GPC6: variants seen among roughly 807,000 people sequenced by gnomAD.
GPC6 encodes the protein glypican-6.
GPC6 carries 14 observed loss-of-function variants against 55.2 expected under a neutral mutation model. The observed-to-expected ratio is 0.25, with a 90% CI of 0.17 to 0.40. GPC6 has a LOEUF of 0.40. GPC6 is among the 10% of genes least tolerant of loss of function. The probability of loss-of-function intolerance (pLI) is 1.00; values close to 1 mark genes in which losing one functional copy is unlikely to be tolerated. For missense variants in GPC6, 641 were observed against 708.5 expected (o/e 0.90, Z 1.08); for synonymous variants, 278 against 259.6 (o/e 1.07, Z -0.68).
intron 6 of GPC6, among the ~76,000 whole-genome samples, chr13:94,372,589 A>G (rs538574314): frequency 1.2e-3 from 181 of 152,274 alleles, no homozygotes; most frequent in African/African-American, 4.1e-3. Flanking sequence ...GCTGATTGCT[A>G]GCACAGCAGT....
At chr13:94,266,448 G>T (rs9524390) in intron 4 of GPC6, among the ~76,000 whole-genome samples, 1 of 151,916 alleles carries the variant, frequency 6.6e-6, no homozygotes, top group Non-Finnish European at 1.5e-5. Flanking sequence ...GATTACAGGC[G>T]TGAGCCACCG....
intron 7 of GPC6, among the ~76,000 whole-genome samples, chr13:94,384,590 T>C (rs1232418844): frequency 6.6e-6 from 1 of 152,192 alleles, no homozygotes; most frequent in Admixed American, 6.5e-5. Context: ...GGGAAGAGAC[T>C]AAACACTACC....
intron 2 of GPC6, among the ~76,000 whole-genome samples, chr13:93,783,049 T>C (rs1885705755): frequency 6.6e-6 from 1 of 152,144 alleles, no homozygotes; most frequent in Non-Finnish European, 1.5e-5. Context: ...TTAAGCTCCC[T>C]CTTATAAGTG....
intron 4 of GPC6, among the ~76,000 whole-genome samples, chr13:94,047,253 A>G (rs766769522): frequency 5.3e-5 from 8 of 152,098 alleles, no homozygotes; most frequent in Non-Finnish European, 1.0e-4. Context: ...AACCAATTAA[A>G]TATTACTAAG....
chr13:93,866,765 G>T (rs964508127), intron 3 of GPC6, among the ~76,000 whole-genome samples: 2 of 151,542 alleles, frequency 1.3e-5, no homozygotes, highest in Admixed American at 1.3e-4. Flanking sequence ...AATAATTAAT[G>T]GGTACCAGGC....
intron 1 of GPC6, among the ~76,000 whole-genome samples, chr13:93,343,439 C>G (rs1365279762): frequency 1.3e-5 from 2 of 152,058 alleles, no homozygotes; most frequent in Admixed American, 6.6e-5. Context: ...TTATGGTACC[C>G]CAGATACTCA....
intron 7 of GPC6, among the ~76,000 whole-genome samples, chr13:94,398,149 TGA>T (rs1880972909): frequency 6.6e-6 from 1 of 151,886 alleles, no homozygotes; most frequent in South Asian, 2.1e-4. Flanking sequence ...TGTTTCAGTG[TGA>T]GAACAGACTA....
intron 1 of GPC6, among the ~76,000 whole-genome samples, chr13:93,497,427 T>C (rs1880347887): frequency 6.6e-6 from 1 of 152,212 alleles, no homozygotes; most frequent in Admixed American, 6.5e-5. Flanking sequence ...TCTTACTGTA[T>C]TTAACTCAAA....
intron 4 of GPC6, among the ~76,000 whole-genome samples, chr13:94,112,887 T>C (rs777876646): frequency 1.3e-5 from 2 of 152,132 alleles, no homozygotes; most frequent in African/African-American, 4.8e-5. Context: ...TTTTTATTGA[T>C]GATAGCACAT....
At chr13:94,021,806 A>T (rs1882704833) in intron 3 of GPC6, among the ~76,000 whole-genome samples, 1 of 152,128 alleles carries the variant, frequency 6.6e-6, no homozygotes. Context: ...GAAAATTAAA[A>T]AATAACTAAA....
intron 2 of GPC6, among the ~76,000 whole-genome samples, chr13:93,604,617 A>C (rs1878163130): frequency 6.6e-6 from 1 of 152,086 alleles, no homozygotes; most frequent in Non-Finnish European, 1.5e-5. Flanking sequence ...CACTAATATC[A>C]GCCTTATGGA....
At chr13:94,284,608 C>T (rs1430898024) in intron 4 of GPC6, among the ~76,000 whole-genome samples, 1 of 151,738 alleles carries the variant, frequency 6.6e-6, no homozygotes, top group Non-Finnish European at 1.5e-5. Context: ...CAGTCTTCTT[C>T]CTATTCTTCA....
chr13:94,244,149 G>GA (rs1891132055), intron 4 of GPC6, among the ~76,000 whole-genome samples: 1 of 152,084 alleles, frequency 6.6e-6, no homozygotes, highest in South Asian at 2.1e-4. Context: ...GCAAGTTAGA[G>GA]ATCTATTGTG....
chr13:93,728,614 T>C (rs968587578), intron 2 of GPC6, among the ~76,000 whole-genome samples: 1 of 152,000 alleles, frequency 6.6e-6, no homozygotes, highest in African/African-American at 2.4e-5. Context: ...TTGCCCAGGC[T>C]GGAGTGCAGT....
intron 1 of GPC6, among the ~76,000 whole-genome samples, chr13:93,368,623 T>C (rs981352506): frequency 6.6e-6 from 1 of 151,932 alleles, no homozygotes; most frequent in African/African-American, 2.4e-5. Context: ...CAAATCATTC[T>C]TATTCTCCAG....
chr13:93,856,539 T>G (rs1888616895), intron 3 of GPC6, among the ~76,000 whole-genome samples: 1 of 151,598 alleles, frequency 6.6e-6, no homozygotes, highest in Admixed American at 6.6e-5. Flanking sequence ...ATTTGCACAG[T>G]TTACTCCAAA....
At chr13:94,118,055 A>G (rs116161146) in intron 4 of GPC6, among the ~76,000 whole-genome samples, 3,102 of 152,204 alleles carry the variant, frequency 0.02, 117 homozygotes, top group African/African-American at 0.071. Context: ...GCCTATTATT[A>G]GATTATTAAA....
chr13:93,612,434 G>A (rs1352428296), intron 2 of GPC6, among the ~76,000 whole-genome samples: 1 of 151,714 alleles, frequency 6.6e-6, no homozygotes, highest in Non-Finnish European at 1.5e-5. Flanking sequence ...GGGAGGCGGA[G>A]CTTGCAGTGA....
chr13:94,188,457 A>T (rs1889274003), intron 4 of GPC6, among the ~76,000 whole-genome samples: 9 of 152,216 alleles, frequency 5.9e-5, no homozygotes, highest in Admixed American at 5.9e-4. Context: ...AATAGAGTCA[A>T]TTAGCCCAGC....
Sources: gnomAD v4.1 joint callset for allele counts (sites outside exome capture counted in the v4.1 genomes callset) on GRCh38, gnomAD v4.1.1 for gene constraint, MANE v1.5 for transcripts, NCBI Gene and HGNC (gene_info 2026-07-23, HGNC 2026-07-21) for gene names.